Variants in CCSER2 observed in about 807,000 individuals in gnomAD.
The protein encoded by CCSER2 is coiled-coil serine rich protein 2.
In CCSER2, 46 loss-of-function variants were observed where a neutral mutation model predicts 92.3. The observed-to-expected ratio is 0.50, with a 90% CI of 0.39 to 0.64. CCSER2 has a LOEUF of 0.64. Ranked by LOEUF, CCSER2 falls within the 30% of genes least tolerant of loss-of-function variation. CCSER2 has a pLI of 0.00. For missense variants in CCSER2, 1,244 were observed against 1,238.9 expected, an observed-to-expected ratio of 1.00 and a Z score of -0.06; for synonymous variants, 433 against 431.4, an observed-to-expected ratio of 1.00 and a Z score of -0.04.
chr10:84,459,137 A>T (rs929455629), intron 6 of CCSER2, among the ~76,000 whole-genome samples: 8 of 152,108 alleles, frequency 5.3e-5, no homozygotes, highest in Non-Finnish European at 8.8e-5. Context: ...CCTCCTGAGT[A>T]GCTGGAATTA....
At chr10:84,493,194 T>C (rs368277051) in intron 9 of CCSER2, among the ~76,000 whole-genome samples, 1 of 152,322 alleles carries the variant, frequency 6.6e-6, no homozygotes, top group African/African-American at 2.4e-5. Context: ...TTTGATAGTT[T>C]GTGGTTTTGA....
At chr10:84,337,160 G>A (rs1457435286) in intron 1 of CCSER2, among the ~76,000 whole-genome samples, 10 of 152,220 alleles carry the variant, frequency 6.6e-5, no homozygotes, top group Admixed American at 6.5e-4. Flanking sequence ...GCAGTTATTA[G>A]CAGAGAGATA....
At chr10:84,399,501 AAGTCGGGATGAGTGTT>A (rs1842006708) in intron 3 of CCSER2, among the ~76,000 whole-genome samples, 1 of 152,164 alleles carries the variant, frequency 6.6e-6, no homozygotes, top group Admixed American at 6.6e-5. Context: ...ACTGGATTAG[AAGTCGGGATGAGTGTT>A]AGTCTGGATT....
At chr10:84,332,647 A>G (rs987294021) in intron 1 of CCSER2, among the ~76,000 whole-genome samples, 1 of 151,334 alleles carries the variant, frequency 6.6e-6, no homozygotes, top group African/African-American at 2.4e-5. Flanking sequence ...CCTATATTAT[A>G]TATTTTTTTA....
rs142540721 is a variant in CCSER2, at chr10:84,422,108, G to A, written c.1706-3623G>A. On this transcript the variant is annotated intron_variant, in intron 4 of 9. Coordinates refer to ENST00000372088, the MANE Select transcript of CCSER2 (RefSeq NM_001284240.2). ...TTTTAGTTTCTATGACCTGCCTTGG[G>A]GAGAGGAATTCTGGTTTCTGTAACT... 2.9e-3 allele frequency among the ~76,000 whole-genome samples: 449 copies of A among 152,292 alleles called. 2 individuals are homozygous for A. Among genetic ancestry groups the A allele is most frequent in the African/African-American group, 0.01 (418 of 41,556 alleles).
chr10:84,349,811 T>G (rs529884671), intron 1 of CCSER2, among the ~76,000 whole-genome samples: 13 of 152,340 alleles, frequency 8.5e-5, no homozygotes, highest in Admixed American at 7.8e-4. Context: ...TACATTTTCT[T>G]CTTTCCTATT....
intron 1 of CCSER2, among the ~76,000 whole-genome samples, chr10:84,356,257 A>T (rs17256160): frequency 0.13 from 19,259 of 152,138 alleles, 1,496 homozygotes; most frequent in Admixed American, 0.23. Flanking sequence ...AGAGGCAAAC[A>T]TTGCACCTAA....
intron 5 of CCSER2, among the ~76,000 whole-genome samples, chr10:84,437,761 G>T (rs973154652): frequency 2.5e-5 from 3 of 119,858 alleles, no homozygotes; most frequent in Admixed American, 2.0e-4. Flanking sequence ...TGCCCAGCTT[G>T]GAGTGTAGTG....
intron 9 of CCSER2, among the ~76,000 whole-genome samples, chr10:84,487,921 C>T (rs1432944217): frequency 1.3e-5 from 2 of 152,148 alleles, no homozygotes; most frequent in East Asian, 1.9e-4. Flanking sequence ...CCCATCAATA[C>T]CTAATTTATT....
At chr10:84,392,763 G>T (rs993221994) in intron 3 of CCSER2, among the ~76,000 whole-genome samples, 1 of 152,100 alleles carries the variant, frequency 6.6e-6, no homozygotes, top group Non-Finnish European at 1.5e-5. Context: ...TTTTTGGGGT[G>T]TGCAGGCTGG....
At chr10:84,390,061 A>G (rs894119046) in intron 3 of CCSER2, among the ~76,000 whole-genome samples, 4 of 152,164 alleles carry the variant, frequency 2.6e-5, no homozygotes, top group African/African-American at 4.8e-5. Context: ...GGTGAGAGCT[A>G]GGGAATATAT....
chr10:84,493,819 A>G (rs1200922074), intron 9 of CCSER2, among the ~76,000 whole-genome samples: 1 of 152,186 alleles, frequency 6.6e-6, no homozygotes, highest in Admixed American at 6.5e-5. Flanking sequence ...TATTATGATT[A>G]CATTGTAATA....
chr10:84,418,537 G>A (rs1842986268), intron 4 of CCSER2, among the ~76,000 whole-genome samples: 1 of 152,208 alleles, frequency 6.6e-6, no homozygotes, highest in African/African-American at 2.4e-5. Flanking sequence ...TTAGAAATCT[G>A]AGAATTTCCT....
At chr10:84,462,120 A>G (rs915216700) in intron 6 of CCSER2, among the ~76,000 whole-genome samples, 2 of 152,248 alleles carry the variant, frequency 1.3e-5, no homozygotes, top group Admixed American at 6.5e-5. Flanking sequence ...AGTCTTTGCT[A>G]TGCTGTTTAG....
At position 84,514,535 on chromosome 10, in the gene CCSER2, A is replaced by T. The variant is rs1183258570; in HGVS notation, c.*268A>T. 4.4e-6 allele frequency: 2 copies of T among 455,030 alleles called. No individual in the cohort carries two copies. Among genetic ancestry groups the T allele is most frequent in the African/African-American group, 4.0e-5 (2 of 49,850 alleles). The allele number at this position is 455,030 out of a possible 1,614,324, so 28.2% of individuals were successfully genotyped here. A position where few individuals can be genotyped will look rare whatever the true frequency, so the allele number is the denominator to read the frequency against. On this transcript the variant is annotated 3_prime_UTR_variant, in exon 10 of 10. Coordinates refer to ENST00000372088, the MANE Select transcript of CCSER2 (RefSeq NM_001284240.2). ...GCCAAAGGCCCAAATCATGTTATCC[A>T]TCCCTCTCCACGTCAGAAAATTCAT... is the stretch of plus-strand genomic sequence containing the variant.
At chr10:84,467,450 C>T (rs189931938) in intron 7 of CCSER2, among the ~76,000 whole-genome samples, 1 of 152,246 alleles carries the variant, frequency 6.6e-6, no homozygotes, top group African/African-American at 2.4e-5. Flanking sequence ...CTCTCTCTCT[C>T]ACCCCCCACA....
At chr10:84,346,149 C>G (rs1435475529) in intron 1 of CCSER2, among the ~76,000 whole-genome samples, 1 of 152,252 alleles carries the variant, frequency 6.6e-6, no homozygotes, top group Non-Finnish European at 1.5e-5. Flanking sequence ...ACCGCAACCT[C>G]TGCCTCCCGG....
rs1843401151 is a variant in CCSER2, at chr10:84,425,812, C to T, written c.1787C>T (p.Pro596Leu). The part of the protein sequence containing the change: ...QPQEGFWKRP[P>L]QRWSGQEHYH... Reference sequence around the variant, plus strand: ...CAGGAAGGTTTTTGGAAAAGGCCACCCCAGAGGTGGAGTGGACAGGAGCAT... The same window carrying T: ...CAGGAAGGTTTTTGGAAAAGGCCACTCCAGAGGTGGAGTGGACAGGAGCAT... The change falls in exon 5 of 10, where the codon CCC becomes CTC. Residue 596 changes from proline (P) to leucine (L), a missense_variant. Pro to Leu is a moderately conservative substitution (Grantham distance 98). Transcript: ENST00000372088. The T allele has an allele frequency of 5.6e-6, 9 of 1,613,036 alleles. No homozygotes were observed. The East Asian group carries it at 2.0e-4, about 36-fold the overall frequency.
chr10:84,431,475 T>C (rs1843759138), intron 5 of CCSER2, among the ~76,000 whole-genome samples: 1 of 152,098 alleles, frequency 6.6e-6, no homozygotes, highest in Admixed American at 6.6e-5. Flanking sequence ...GTGCAGTGGC[T>C]CATGCCTGCA....
Sources: allele counts gnomAD v4.1 joint callset (sites outside exome capture counted in the v4.1 genomes callset), GRCh38; gene constraint gnomAD v4.1.1; transcripts MANE v1.5; gene names NCBI Gene and HGNC (gene_info 2026-07-23, HGNC 2026-07-21).